Variants in ZNF547 observed in about 807,000 individuals in gnomAD.
The protein encoded by ZNF547 is zinc finger protein 547.
In ZNF547, 4 loss-of-function variants were observed where a neutral mutation model predicts 7.7. The observed-to-expected ratio is 0.52, with a 90% CI of 0.26 to 1.20. The LOEUF (loss-of-function observed/expected upper bound fraction) is 1.20. ZNF547 is among the 50% of genes most tolerant of loss of function. The pLI is 0.14. For synonymous variants in ZNF547, 166 were observed against 166.2 expected (o/e 1.00, Z 0.01); for missense variants, 449 against 485.8 (o/e 0.92, Z 0.71).
intron 1 of ZNF547, chr19:57,367,951 T>C (rs1215607226): frequency 1.3e-5 from 2 of 152,250 alleles, no homozygotes; most frequent in African/African-American, 4.8e-5. Flanking sequence ...ACCTACCTGC[T>C]CAGCCCTTCC....
rs1345281035 is a variant in ZNF547 at position 57,379,370 on chromosome 19, G to T, written c.*1185G>T. ...TAACAGGTTTCTAGGTGATTTTGTT[G>T]TTGCTGATGTAGGGACTACATTTTG... is the stretch of plus-strand genomic sequence containing the variant. On this transcript the variant is annotated 3_prime_UTR_variant, in exon 4 of 4. Transcript: ENST00000282282. 1 of 152,200 alleles carries T rather than the reference G, an allele frequency of 6.6e-6. No homozygotes were observed. The highest frequency in any genetic ancestry group is 1.5e-5 in the Non-Finnish European group (1 of 68,058). 9.4% of individuals were successfully genotyped at this position (152,200 alleles called of 1,614,324 possible).
chr19:57,364,940 A>G (rs2088453540), intron 1 of ZNF547: 1 of 1,613,162 alleles, frequency 6.2e-7, no homozygotes, highest in South Asian at 1.1e-5. Flanking sequence ...GACCATCGTC[A>G]TCTGAACCAG....
At chr19:57,373,018 A>T (rs995722391) in intron 3 of ZNF547, among the ~76,000 whole-genome samples, 1 of 152,236 alleles carries the variant, frequency 6.6e-6, no homozygotes, top group South Asian at 2.1e-4. Context: ...AACTCTGCAC[A>T]GCAGGCCTTC....
At chr19:57,365,102 G>A in intron 1 of ZNF547, 1 of 1,609,254 alleles carries the variant, frequency 6.2e-7, no homozygotes, top group Non-Finnish European at 8.5e-7. Flanking sequence ...CATGACATAA[G>A]ACAAGAAGAT....
intron 1 of ZNF547, among the ~76,000 whole-genome samples, chr19:57,365,575 C>T (rs1275987887): frequency 6.7e-6 from 1 of 148,160 alleles, no homozygotes; most frequent in African/African-American, 2.5e-5. Context: ...GTGGCACAGT[C>T]TCGTCTCACT....
Position 57,368,427 on chromosome 19 carries a change from A to G in ZNF547, c.-12-117A>G. 3 of 910,048 alleles carry G rather than the reference A, an allele frequency of 3.3e-6. No homozygotes were observed. The East Asian group carries it at 7.4e-5, about 23-fold the overall frequency. 56.4% of individuals were successfully genotyped at this position (910,048 alleles called of 1,614,324 possible). ...CAGTGAAGTCGGAGGAGCTGAGTTT[A>G]TACAATCAACTTGAGATCAGTTTGC... On this transcript the variant is annotated intron_variant, in intron 1 of 3. Coordinates refer to ENST00000282282, the MANE Select transcript of ZNF547 (RefSeq NM_173631.4).
Position 57,377,233 on chromosome 19 carries a change from C to T in ZNF547, c.257C>T (p.Thr86Ile). ...AAGCCCTGTCTATCTACCCAGAATA[C>T]CCAGCCCTGTGAGACATGTAGCTCA... ...APKPCLSTQN[T>I]QPCETCSSLL... Residue 86 changes from threonine (T) to isoleucine (I), a missense_variant, in exon 4 of 4, where the codon ACC becomes ATC. Transcript: ENST00000282282. 6.2e-7 allele frequency: 1 copy of T among 1,614,186 alleles called. No homozygotes were observed. Among genetic ancestry groups the T allele is most frequent in the Non-Finnish European group, 8.5e-7 (1 of 1,180,034 alleles).
chr19:57,377,454 G>T lies in ZNF547; in HGVS notation c.478G>T (p.Glu160Ter), dbSNP rs749733667. Residue 160 changes from glutamate to a stop codon, truncating the protein, a stop_gained, in exon 4 of 4, where the codon GAA becomes TAA. Transcript: ENST00000282282. LOFTEE classifies it low-confidence loss of function (END_TRUNC). ...GGCAGGGAAGACCTTCTTGTGCAGT[G>T]AATGTGGGAAAGCCTTTAGCCACAA... ...HMAGKTFLCSECGKAFSHKHK... is the reference protein window; with the variant it reads ...HMAGKTFLCS 4.3e-6 allele frequency: 7 copies of T among 1,614,126 alleles called. No homozygotes were observed. The highest frequency in any genetic ancestry group is 1.7e-5 in the Admixed American group (1 of 60,014).
chr19:57,366,598 G>A (rs1247036751), intron 1 of ZNF547, among the ~76,000 whole-genome samples: 3 of 146,238 alleles, frequency 2.1e-5, no homozygotes, highest in Non-Finnish European at 4.5e-5. Flanking sequence ...CGTCCAGGCT[G>A]GAGTGCAGTG....
intron 2 of ZNF547, among the ~76,000 whole-genome samples, chr19:57,369,896 G>GTTTTTTTTT (rs1300181023): frequency 0.01 from 344 of 33,492 alleles, 2 homozygotes; most frequent in Non-Finnish European, 0.014. Context: ...TTGACTCACA[G>GTTTTTTTTT]TTCTTTTTTT....
intron 1 of ZNF547, chr19:57,364,466 G>GATCATTAAAAA: frequency 7.4e-5 from 18 of 242,364 alleles, no homozygotes; most frequent in South Asian, 1.8e-4. Context: ...AGGGTGGCCG[G>GATCATTAAAAA]GCGTGGTGGC....
intron 3 of ZNF547, among the ~76,000 whole-genome samples, chr19:57,374,493 C>T (rs1366287605): frequency 1.3e-5 from 2 of 152,272 alleles, no homozygotes; most frequent in African/African-American, 4.8e-5. Context: ...TTTTCCCCAT[C>T]ACCTTCGTGG....
intron 2 of ZNF547, among the ~76,000 whole-genome samples, chr19:57,370,673 G>A (rs4801475): frequency 0.89 from 135,611 of 152,118 alleles, 60,703 homozygotes; most frequent in Middle Eastern, 0.96. Flanking sequence ...GTCTTGGGAG[G>A]CAAGATCTGG....
At chr19:57,365,672 AT>A (rs978722625) in intron 1 of ZNF547, among the ~76,000 whole-genome samples, 2 of 150,072 alleles carry the variant, frequency 1.3e-5, no homozygotes, top group Non-Finnish European at 1.5e-5. Context: ...TGCCTGCCTA[AT>A]TTTTTTTGTA....
intron 3 of ZNF547, among the ~76,000 whole-genome samples, chr19:57,373,697 G>T (rs1462120678): frequency 2.0e-5 from 3 of 152,082 alleles, no homozygotes; most frequent in Non-Finnish European, 4.4e-5. Flanking sequence ...AAGCCTACAG[G>T]CCCCATGCAA....
intron 1 of ZNF547, chr19:57,368,294 A>G (rs569711794): frequency 4.3e-6 from 2 of 465,828 alleles, no homozygotes; most frequent in African/African-American, 2.0e-5. Flanking sequence ...GACACCGGTA[A>G]GAGTCCTATG....
Position 57,368,527 on chromosome 19 carries a change from T to C in ZNF547, c.-12-17T>C, listed in dbSNP as rs1346615165. On this transcript the variant is annotated splice_polypyrimidine_tract_variant and intron_variant, in intron 1 of 3. Transcript: ENST00000282282. ...TCCCATCGTTGCCCATTTCTCACGGTTTCCCTCTTCCTTCAGGGTCCCCTG... is the reference window on the plus strand; with the variant it reads ...TCCCATCGTTGCCCATTTCTCACGGCTTCCCTCTTCCTTCAGGGTCCCCTG... The C allele has an allele frequency of 1.2e-6, 2 of 1,613,892 alleles. No homozygotes were observed. The highest frequency in any genetic ancestry group is 2.7e-5 in the African/African-American group (2 of 74,946).
intron 1 of ZNF547, chr19:57,364,639 G>T: frequency 1.6e-6 from 1 of 607,768 alleles, no homozygotes; most frequent in South Asian, 2.0e-5. Flanking sequence ...TATTCGGGAG[G>T]CTGAGGCAGG....
At position 57,377,274 on chromosome 19, in the gene ZNF547, C is replaced by T. The variant is rs2088541882; in HGVS notation, c.298C>T (p.Leu100=). 6.2e-7 allele frequency: 1 copy of T among 1,614,126 alleles called. No individual in the cohort carries two copies. The highest frequency in any genetic ancestry group is 8.5e-7 in the Non-Finnish European group (1 of 1,180,060). ...ETCSSLLKDI[L]RLAEHDGTHP... ...ATGTAGCTCACTTCTGAAGGACATT[C>T]TGCGTCTGGCTGAGCATGACGGAAC... The change falls in exon 4 of 4, where the codon CTG becomes TTG. Residue 100 remains leucine, a synonymous_variant. Transcript: ENST00000282282.
Sources: gnomAD v4.1 joint callset for allele counts (sites outside exome capture counted in the v4.1 genomes callset) on GRCh38, gnomAD v4.1.1 for gene constraint, MANE v1.5 for transcripts, NCBI Gene and HGNC (gene_info 2026-07-23, HGNC 2026-07-21) for gene names.